NEGR1: variants seen among roughly 807,000 people sequenced by gnomAD.
NEGR1 encodes neuronal growth regulator 1.
NEGR1 carries 10 observed loss-of-function variants against 40.9 expected under a neutral mutation model. The observed-to-expected ratio is 0.24, with a 90% CI of 0.15 to 0.42. The LOEUF (loss-of-function observed/expected upper bound fraction) is 0.42, where lower values mean the gene tolerates loss of function less well. NEGR1 is among the 10% of genes least tolerant of loss of function. The probability of loss-of-function intolerance (pLI) is 1.00; values close to 1 mark genes in which losing one functional copy is unlikely to be tolerated. For missense variants in NEGR1, 352 were observed against 438.9 expected (o/e 0.80, Z 1.77); for synonymous variants, 185 against 166.8 (o/e 1.11, Z -0.84).
chr1:71,783,876 A>ATCTG lies in NEGR1; in HGVS notation c.410-7580_410-7579insCAGA, dbSNP rs34429157. ...CATCCATCCATCCATCCATCCATCC[A>ATCTG]ATAGACATTTATTAAGCCCCATCTC... On this transcript the variant is annotated intron_variant, in intron 2 of 6. Coordinates refer to ENST00000357731, the MANE Select transcript of NEGR1 (RefSeq NM_173808.3). Among the ~76,000 whole-genome samples the ATCTG allele has an allele frequency of 6.9e-5, 10 of 144,688 alleles. No individual in the cohort carries two copies. In the East Asian group the frequency reaches 1.0e-3, roughly 15 times the overall value. 94.9% of individuals were successfully genotyped at this position (144,688 alleles called of 152,430 possible).
chr1:71,835,037 T>A (rs1324078332), intron 2 of NEGR1, among the ~76,000 whole-genome samples: 1 of 152,066 alleles, frequency 6.6e-6, no homozygotes, highest in Admixed American at 6.6e-5. Flanking sequence ...ACAGCTAGGC[T>A]TTTTTCCATG....
chr1:71,460,734 C>A (rs922316606), intron 6 of NEGR1, among the ~76,000 whole-genome samples: 2 of 152,054 alleles, frequency 1.3e-5, no homozygotes, highest in Admixed American at 1.3e-4. Context: ...TTGAAGTTAT[C>A]TGGAGAAAGA....
At chr1:71,713,317 G>A (rs1654169843) in intron 3 of NEGR1, among the ~76,000 whole-genome samples, 1 of 152,124 alleles carries the variant, frequency 6.6e-6, no homozygotes, top group Non-Finnish European at 1.5e-5. Context: ...GTCTACCTCT[G>A]GCATCCTAAT....
chr1:71,913,117 A>G (rs1661466474), intron 2 of NEGR1, among the ~76,000 whole-genome samples: 1 of 152,004 alleles, frequency 6.6e-6, no homozygotes, highest in African/African-American at 2.4e-5. Context: ...ATTAAATTAA[A>G]TTAATTAATT....
At chr1:72,133,971 C>G (rs1226425019) in intron 1 of NEGR1, among the ~76,000 whole-genome samples, 1 of 151,512 alleles carries the variant, frequency 6.6e-6, no homozygotes, top group Non-Finnish European at 1.5e-5. Context: ...AAAACCATAA[C>G]TTTGTTATAT....
intron 3 of NEGR1, among the ~76,000 whole-genome samples, chr1:71,712,901 G>A (rs1179323223): frequency 6.6e-6 from 1 of 152,086 alleles, no homozygotes; most frequent in Non-Finnish European, 1.5e-5. Flanking sequence ...AAGATGTGCT[G>A]CTTCCCCTTC....
At chr1:71,640,296 T>C (rs1651305614) in intron 4 of NEGR1, among the ~76,000 whole-genome samples, 1 of 152,066 alleles carries the variant, frequency 6.6e-6, no homozygotes, top group Admixed American at 6.6e-5. Context: ...CTTTTGGCTC[T>C]GTAGAGACTC....
intron 6 of NEGR1, among the ~76,000 whole-genome samples, chr1:71,499,617 T>A (rs1000011952): frequency 6.6e-6 from 1 of 151,542 alleles, no homozygotes; most frequent in African/African-American, 2.4e-5. Context: ...TTGCTTATAA[T>A]CCCATGAGGA....
In NEGR1 at chr1:72,204,473, C is replaced by T. The variant is rs117446753; in HGVS notation, c.176+77846G>A. 6.2e-4 allele frequency among the ~76,000 whole-genome samples: 95 copies of T among 152,258 alleles called. 2 individuals are homozygous for T. In the East Asian group the frequency reaches 0.017, roughly 28 times the overall value. On this transcript the variant is annotated intron_variant, in intron 1 of 6. Transcript: ENST00000357731. ...AATAGTCATCGTATCAGTAGAACTT[C>T]TGTGTTTCTCAGTTCCCCAAGCAGT...
chr1:72,148,749 A>G (rs1487220729), intron 1 of NEGR1, among the ~76,000 whole-genome samples: 1 of 152,190 alleles, frequency 6.6e-6, no homozygotes, highest in Non-Finnish European at 1.5e-5. Flanking sequence ...TCTCTTTGAT[A>G]AAACATAACA....
At chr1:71,637,252 T>C (rs1165961187) in intron 4 of NEGR1, among the ~76,000 whole-genome samples, 2 of 152,064 alleles carry the variant, frequency 1.3e-5, no homozygotes, top group Admixed American at 6.6e-5. Context: ...TCCATGTTTA[T>C]TCAAAGCAAA....
chr1:72,084,334 A>T (rs937861654), intron 1 of NEGR1, among the ~76,000 whole-genome samples: 4 of 152,096 alleles, frequency 2.6e-5, no homozygotes, highest in African/African-American at 9.7e-5. Flanking sequence ...TTCTCCACTT[A>T]TCAGCATGGC....
chr1:72,039,258 T>C (rs942862493), intron 1 of NEGR1, among the ~76,000 whole-genome samples: 3 of 152,056 alleles, frequency 2.0e-5, no homozygotes, highest in Non-Finnish European at 4.4e-5. Context: ...GGACATTAGC[T>C]TCTTCCTGTA....
intron 6 of NEGR1, among the ~76,000 whole-genome samples, chr1:71,435,336 A>C (rs980995598): frequency 4.6e-5 from 7 of 152,154 alleles, no homozygotes; most frequent in Admixed American, 3.9e-4. Flanking sequence ...AACCTAGAGG[A>C]CTTAATGCCA....
intron 1 of NEGR1, among the ~76,000 whole-genome samples, chr1:72,184,282 A>G (rs1193938562): frequency 3.3e-5 from 5 of 152,124 alleles, no homozygotes; most frequent in African/African-American, 1.2e-4. Flanking sequence ...CAGCAACATT[A>G]CTGGCAACAA....
At chr1:71,866,287 G>A (rs577597039) in intron 2 of NEGR1, among the ~76,000 whole-genome samples, 2 of 152,196 alleles carry the variant, frequency 1.3e-5, no homozygotes, top group African/African-American at 2.4e-5. Context: ...TAGACCATTA[G>A]CAATTTAGCA....
At chr1:72,164,183 C>G (rs1198876021) in intron 1 of NEGR1, among the ~76,000 whole-genome samples, 1 of 151,988 alleles carries the variant, frequency 6.6e-6, no homozygotes, top group Non-Finnish European at 1.5e-5. Flanking sequence ...TACAGTTTAC[C>G]TTGTTGTGAA....
chr1:71,783,998 C>G (rs1433663912), intron 2 of NEGR1, among the ~76,000 whole-genome samples: 1 of 152,088 alleles, frequency 6.6e-6, no homozygotes, highest in Admixed American at 6.6e-5. Flanking sequence ...AAGACTTATT[C>G]CCAAGGTGTA....
At chr1:71,736,299 G>A (rs544140895) in intron 3 of NEGR1, among the ~76,000 whole-genome samples, 1 of 152,066 alleles carries the variant, frequency 6.6e-6, no homozygotes, top group African/African-American at 2.4e-5. Context: ...AATGTGGTCT[G>A]GGATTTAATA....
Sources: allele counts gnomAD v4.1 joint callset (sites outside exome capture counted in the v4.1 genomes callset), GRCh38; gene constraint gnomAD v4.1.1; transcripts MANE v1.5; gene names NCBI Gene and HGNC (gene_info 2026-07-23, HGNC 2026-07-21).